Variants in CTBP2 observed in about 807,000 individuals in gnomAD.
CTBP2 encodes the protein C-terminal binding protein 2, also known as C-terminal-binding protein 2.
CTBP2 carries 30 observed loss-of-function variants against 80.3 expected under a neutral mutation model. That is an observed-to-expected ratio of 0.37 (90% CI 0.28 to 0.51). CTBP2 has a LOEUF of 0.51. Among genes scored for constraint, CTBP2 ranks in the 20% least tolerant of loss-of-function variants. The probability of loss-of-function intolerance (pLI) is 0.93; values close to 1 mark genes in which losing one functional copy is unlikely to be tolerated. For synonymous variants in CTBP2, 594 were observed against 587.4 expected (o/e 1.01, Z -0.16); for missense variants, 1,212 against 1,375.3 (o/e 0.88, Z 1.88).
At chr10:125,012,822 C>T (rs980957636) in intron 1 of CTBP2, among the ~76,000 whole-genome samples, 2 of 152,134 alleles carry the variant, frequency 1.3e-5, no homozygotes, top group Non-Finnish European at 2.9e-5. Flanking sequence ...TCAGGTGATC[C>T]GCCCGCCTCG....
chr10:125,113,902 G>A (rs1200140930), intron 1 of CTBP2, among the ~76,000 whole-genome samples: 3 of 152,202 alleles, frequency 2.0e-5, no homozygotes, highest in Non-Finnish European at 4.4e-5. Context: ...AGTGGAATAA[G>A]AATGTTAAAA....
intron 1 of CTBP2, chr10:125,005,888 G>C: frequency 2.6e-6 from 4 of 1,530,788 alleles, no homozygotes; most frequent in Non-Finnish European, 3.5e-6. Flanking sequence ...TTATCGGAGA[G>C]AGTGCCTGAT....
rs747916840 is a variant in CTBP2 at position 125,027,557 on chromosome 10, G to C, written c.203C>G (p.Pro68Arg). Residue 68 changes from proline (P) to arginine (R), a missense_variant, in exon 1 of 9, where the codon CCC (proline) becomes CGC (arginine). Pro to Arg is a moderately radical substitution (Grantham distance 103). Coordinates refer to ENST00000309035, the MANE Select transcript of CTBP2 (RefSeq NM_022802.3). ...ATAAACGGCCTCCCGGTACAGGTAG[G>C]GCTCGGCGGCCACGGGCAGGGCAGC... is the stretch of plus-strand genomic sequence containing the variant. 2 of 1,614,134 alleles carry C rather than the reference G, an allele frequency of 1.2e-6. No individual in the cohort carries two copies. Among genetic ancestry groups the C allele is most frequent in the South Asian group, 2.2e-5 (2 of 91,092 alleles).
chr10:125,040,311 C>T (rs4962422), intron 2 of CTBP2, among the ~76,000 whole-genome samples: 30,253 of 151,666 alleles, frequency 0.2, 3,763 homozygotes, highest in East Asian at 0.3. Context: ...AAAAATTAGC[C>T]GGGTATGCTG....
At chr10:125,101,283 C>T (rs1850577871) in intron 2 of CTBP2, among the ~76,000 whole-genome samples, 3 of 152,228 alleles carry the variant, frequency 2.0e-5, no homozygotes, top group African/African-American at 7.2e-5. Context: ...CTCATGTCTT[C>T]GTCCTCTCCA....
At position 125,027,762 on chromosome 10, in the gene CTBP2, G is replaced by GAAAA. The variant is rs754595601; in HGVS notation, c.-7_-4dup. 2 of 1,558,138 alleles carry GAAAA rather than the reference G, an allele frequency of 1.3e-6. No homozygotes were observed. Among genetic ancestry groups the GAAAA allele is most frequent in the South Asian group, 2.3e-5 (2 of 85,446 alleles). The stretch of plus-strand genomic sequence containing the variant: ...ATATGCCTGCTGGGAACTGGCATTG[G>GAAAA]AAAAAAAATGACTGCGGATGAGGCA... On this transcript the variant is annotated 5_prime_UTR_variant, in exon 1 of 9. Transcript: ENST00000309035.
intron 1 of CTBP2, among the ~76,000 whole-genome samples, chr10:125,126,875 C>A (rs750518666): frequency 6.6e-6 from 1 of 152,160 alleles, no homozygotes; most frequent in Admixed American, 6.5e-5. Context: ...CCATTCTCAG[C>A]TGCCATCTGT....
chr10:125,054,736 A>G (rs1269277798), intron 2 of CTBP2, among the ~76,000 whole-genome samples: 2 of 152,236 alleles, frequency 1.3e-5, no homozygotes, highest in Admixed American at 6.5e-5. Context: ...ACAGTAATAC[A>G]TTTGTAATGC....
At chr10:125,070,378 C>T (rs959441654) in intron 2 of CTBP2, among the ~76,000 whole-genome samples, 43 of 151,542 alleles carry the variant, frequency 2.8e-4, no homozygotes, top group African/African-American at 9.7e-4. Context: ...ACAAATGTAT[C>T]GTACTAATGT....
intron 1 of CTBP2, among the ~76,000 whole-genome samples, chr10:125,134,988 T>C (rs2454054): frequency 0.27 from 41,252 of 151,656 alleles, 5,971 homozygotes; most frequent in African/African-American, 0.38. Flanking sequence ...CCGGGGACCT[T>C]AGCCGACGTT....
intron 2 of CTBP2, among the ~76,000 whole-genome samples, chr10:125,062,479 T>G (rs1965163925): frequency 6.6e-6 from 1 of 151,432 alleles, no homozygotes; most frequent in African/African-American, 2.4e-5. Context: ...TGCGGGGAGG[T>G]TCTGGGACAG....
chr10:125,026,302 C>T lies in CTBP2; in HGVS notation c.1458G>A (p.Val486=). ...GCTCCCTCTTTAGCAGCTCCATGGG[C>T]ACCGTGTATGCCGTGGAGTAGGCTG... Residue 486 remains valine (V), a synonymous_variant, in exon 1 of 9, where the codon GTG becomes GTA. Coordinates refer to ENST00000309035, the MANE Select transcript of CTBP2 (RefSeq NM_022802.3). The T allele has an allele frequency of 1.9e-6, 3 of 1,613,942 alleles. No individual in the cohort carries two copies. The highest frequency in any genetic ancestry group is 2.5e-6 in the Non-Finnish European group (3 of 1,179,968).
intron 2 of CTBP2, among the ~76,000 whole-genome samples, chr10:125,098,884 T>C (rs2135786669): frequency 6.6e-6 from 1 of 152,252 alleles, no homozygotes; most frequent in East Asian, 1.9e-4. Flanking sequence ...CAATCTGCTC[T>C]GGGGCCACCT....
At chr10:125,119,215 G>T (rs374511298) in intron 1 of CTBP2, among the ~76,000 whole-genome samples, 169 of 152,366 alleles carry the variant, frequency 1.1e-3, no homozygotes, top group African/African-American at 3.8e-3. Context: ...ACCACAGCGA[G>T]AGATGGAACC....
intron 1 of CTBP2, among the ~76,000 whole-genome samples, chr10:125,133,319 G>C (rs1856467895): frequency 6.6e-6 from 1 of 152,186 alleles, no homozygotes; most frequent in Non-Finnish European, 1.5e-5. Context: ...GACAGGTCAA[G>C]GCAGACCCAG....
intron 1 of CTBP2, among the ~76,000 whole-genome samples, chr10:125,018,125 C>G (rs982300732): frequency 1.3e-5 from 2 of 152,218 alleles, no homozygotes; most frequent in Admixed American, 6.5e-5. Context: ...CATGGGCCAC[C>G]CCCTGCTGTG....
At chr10:125,078,617 C>A (rs567439362) in intron 2 of CTBP2, among the ~76,000 whole-genome samples, 15 of 151,842 alleles carry the variant, frequency 9.9e-5, no homozygotes, top group Admixed American at 3.3e-4. Flanking sequence ...TGAGTTGACA[C>A]GAGGTCACAG....
intron 8 of CTBP2, 63 bp downstream of exon 10, chr10:124,992,632 T>A (rs1459001475): frequency 7.9e-7 from 1 of 1,265,444 alleles, no homozygotes; most frequent in African/African-American, 1.6e-5. Flanking sequence ...AGTTTGGGCT[T>A]CTCTCCCTGG....
intron 2 of CTBP2, among the ~76,000 whole-genome samples, chr10:125,102,522 G>A (rs1209841666): frequency 2.0e-5 from 3 of 152,226 alleles, no homozygotes; most frequent in Admixed American, 2.0e-4. Flanking sequence ...GTTTGCAGGG[G>A]GGTGGGGATC....
Sources: allele counts gnomAD v4.1 joint callset (sites outside exome capture counted in the v4.1 genomes callset), GRCh38; gene constraint gnomAD v4.1.1; transcripts MANE v1.5; gene names NCBI Gene and HGNC (gene_info 2026-07-23, HGNC 2026-07-21).